Variants in CACNA2D1 observed in about 807,000 individuals in gnomAD.
The protein encoded by CACNA2D1 is voltage-dependent calcium channel subunit alpha-2/delta-1.
A neutral mutation model predicts 171.5 loss-of-function variants in CACNA2D1; 53 were observed. The observed-to-expected ratio is 0.31, with a 90% CI of 0.25 to 0.39. The LOEUF is 0.39. Ranked by LOEUF, CACNA2D1 falls within the 10% of genes least tolerant of loss-of-function variation. CACNA2D1 has a pLI of 1.00. For missense variants in CACNA2D1, 903 were observed against 1,299.8 expected (o/e 0.69, Z 4.69); for synonymous variants, 442 against 443.1 (o/e 1.00, Z 0.03).
intron 3 of CACNA2D1, among the ~76,000 whole-genome samples, chr7:82,297,163 A>C (rs999092127): frequency 6.6e-5 from 10 of 151,678 alleles, no homozygotes; most frequent in Non-Finnish European, 5.9e-5. Flanking sequence ...AGGTGAATGA[A>C]TCCCTTGAGC....
intron 1 of CACNA2D1, among the ~76,000 whole-genome samples, chr7:82,357,826 C>T (rs1820626055): frequency 6.7e-6 from 1 of 148,344 alleles, no homozygotes; most frequent in African/African-American, 2.5e-5. Flanking sequence ...CAAACCTGCA[C>T]ATTGTGCACA....
intron 3 of CACNA2D1, among the ~76,000 whole-genome samples, chr7:82,200,047 G>A: frequency 6.6e-6 from 1 of 151,996 alleles, no homozygotes; most frequent in East Asian, 1.9e-4. Flanking sequence ...GACAGAAATT[G>A]GAATAGCATT....
chr7:82,048,250 T>C lies in CACNA2D1; in HGVS notation c.880-10015A>G, dbSNP rs1804777548. Among the ~76,000 whole-genome samples, 4 of 152,178 alleles carry C rather than the reference T, an allele frequency of 2.6e-5. No homozygotes were observed. In the South Asian group the frequency reaches 8.3e-4, roughly 32 times the overall value. On this transcript the variant is annotated intron_variant, in intron 10 of 38. Coordinates refer to ENST00000356860, the MANE Select transcript of CACNA2D1 (RefSeq NM_000722.4). ...ATCTGGAAAACTTAGAGCATGATTA[T>C]GATATAAATTAATGACAAAAAGATA...
At chr7:81,996,422 T>C (rs1384056112) in intron 19 of CACNA2D1, among the ~76,000 whole-genome samples, 3 of 152,018 alleles carry the variant, frequency 2.0e-5, no homozygotes, top group East Asian at 1.9e-4. Flanking sequence ...AGAAACATGA[T>C]GGCATTTGCA....
At chr7:82,000,190 G>C (rs564083377) in intron 18 of CACNA2D1, among the ~76,000 whole-genome samples, 152 of 152,090 alleles carry the variant, frequency 1.0e-3, no homozygotes, top group African/African-American at 3.4e-3. Flanking sequence ...ACCCAGGAGG[G>C]AGAGGTTGCA....
rs145285297 is a variant in CACNA2D1 at position 82,102,228 on chromosome 7, T to C, written c.526+14816A>G. On this transcript the variant is annotated intron_variant, in intron 6 of 38. Transcript: ENST00000356860. ...TCTGATTGAGAAAGGTTTTAAGACT[T>C]GAAAAAAATAAGCTTTAAAATTTAT... Among the ~76,000 whole-genome samples the C allele has an allele frequency of 3.8e-3, 582 of 152,170 alleles. 2 individuals carry two copies. The highest frequency in any genetic ancestry group is 0.013 in the African/African-American group (538 of 41,518).
At chr7:82,171,868 G>A (rs1796055433) in intron 3 of CACNA2D1, among the ~76,000 whole-genome samples, 1 of 152,090 alleles carries the variant, frequency 6.6e-6, no homozygotes, top group Non-Finnish European at 1.5e-5. Context: ...GATTCATGCT[G>A]TTTGTGATCT....
At chr7:82,058,417 C>T (rs1806205116) in intron 10 of CACNA2D1, among the ~76,000 whole-genome samples, 1 of 152,096 alleles carries the variant, frequency 6.6e-6, no homozygotes, top group African/African-American at 2.4e-5. Context: ...TTTTGCTATG[C>T]CACAGATAGT....
intron 6 of CACNA2D1, among the ~76,000 whole-genome samples, chr7:82,095,622 A>G (rs532231216): frequency 5.3e-5 from 8 of 152,370 alleles, no homozygotes; most frequent in African/African-American, 1.9e-4. Flanking sequence ...GGCACGCCAT[A>G]AACAGTAATA....
Position 82,024,105 on chromosome 7 carries a change from C to T in CACNA2D1, c.1143+8692G>A, listed in dbSNP as rs111241692. Among the ~76,000 whole-genome samples, 1,272 of 151,430 alleles carry T rather than the reference C, an allele frequency of 8.4e-3. 19 individuals carry two copies. Among genetic ancestry groups the T allele is most frequent in the African/African-American group, 0.029 (1,217 of 41,362 alleles). ...CACATCTAGGCTATTTTGAATAGTG[C>T]TGTAATGAATATAGAAGTACTCTTC... On this transcript the variant is annotated intron_variant, in intron 12 of 38. Transcript: ENST00000356860.
Position 82,040,092 on chromosome 7 carries a change from T to A in CACNA2D1, c.880-1857A>T, listed in dbSNP as rs78204375. On this transcript the variant is annotated intron_variant, in intron 10 of 38. Transcript: ENST00000356860. Reference sequence around the variant, plus strand: ...AAGCAGGGAGAGTAATCAGAAGGCTTTGCAGTAACCTAGCTGAAAATACAT... The same window carrying A: ...AAGCAGGGAGAGTAATCAGAAGGCTATGCAGTAACCTAGCTGAAAATACAT... Among the ~76,000 whole-genome samples the A allele has an allele frequency of 1.6e-3, 243 of 152,290 alleles. 4 individuals carry two copies. In the East Asian group the frequency reaches 0.018, roughly 11 times the overall value.
chr7:82,191,082 T>C (rs1798246162), intron 3 of CACNA2D1, among the ~76,000 whole-genome samples: 1 of 151,672 alleles, frequency 6.6e-6, no homozygotes, highest in African/African-American at 2.4e-5. Flanking sequence ...CTGTAAAGAT[T>C]TTAGCTTTTC....
chr7:82,309,299 A>G lies in CACNA2D1; in HGVS notation c.294+25836T>C, dbSNP rs147621271. Among the ~76,000 whole-genome samples the G allele has an allele frequency of 2.3e-3, 356 of 152,134 alleles. 7 individuals are homozygous for G. The East Asian group carries it at 0.043, about 19-fold the overall frequency. ...TGGATGCCTGTAATCCCAGCAACTCAGGAGGTTGAGGCAGGAGAATTTCTT... is the reference window on the plus strand; with the variant it reads ...TGGATGCCTGTAATCCCAGCAACTCGGGAGGTTGAGGCAGGAGAATTTCTT... On this transcript the variant is annotated intron_variant, in intron 3 of 38. Transcript: ENST00000356860.
chr7:82,262,147 C>T (rs970467799), intron 3 of CACNA2D1, among the ~76,000 whole-genome samples: 6 of 152,066 alleles, frequency 3.9e-5, no homozygotes, highest in South Asian at 2.1e-4. Context: ...CTGGCTAACA[C>T]GGTGAAACCC....
rs138394952 is a variant in CACNA2D1, at chr7:82,194,079, C to T, written c.295-23470G>A. Among the ~76,000 whole-genome samples the T allele has an allele frequency of 2.1e-3, 316 of 152,114 alleles. 2 individuals carry two copies. The highest frequency in any genetic ancestry group is 7.3e-3 in the African/African-American group (303 of 41,524). On this transcript the variant is annotated intron_variant, in intron 3 of 38. Transcript: ENST00000356860. ...AAGTAGTTTGTGTTGAATTAAATTTCTAAAGCTAAATGACTTTATTAGAGT... is the reference window on the plus strand; with the variant it reads ...AAGTAGTTTGTGTTGAATTAAATTTTTAAAGCTAAATGACTTTATTAGAGT...
intron 1 of CACNA2D1, among the ~76,000 whole-genome samples, chr7:82,416,359 CA>C (rs1182126707): frequency 1.3e-5 from 2 of 151,968 alleles, no homozygotes; most frequent in African/African-American, 4.8e-5. Flanking sequence ...AACAGAGCAG[CA>C]AAAAGAAGGT....
intron 38 of CACNA2D1, among the ~76,000 whole-genome samples, chr7:81,954,110 A>G (rs1303902856): frequency 6.6e-6 from 1 of 152,102 alleles, no homozygotes; most frequent in Non-Finnish European, 1.5e-5. Context: ...TTATTATGGC[A>G]TACATTCTAC....
intron 10 of CACNA2D1, among the ~76,000 whole-genome samples, chr7:82,059,607 G>C (rs748985369): frequency 6.6e-6 from 1 of 151,950 alleles, no homozygotes; most frequent in South Asian, 2.1e-4. Flanking sequence ...AGGATATGTG[G>C]AATGCTTTTT....
Position 82,106,698 on chromosome 7 carries a change from G to T in CACNA2D1, c.526+10346C>A, listed in dbSNP as rs184588088. On this transcript the variant is annotated intron_variant, in intron 6 of 38. Coordinates refer to ENST00000356860, the MANE Select transcript of CACNA2D1 (RefSeq NM_000722.4). Reference sequence around the variant, plus strand: ...CCTAGGTAATTGTGAAAACCAAATGGAAATGAAGAAAATCTAGTATTGTAA... The same window carrying T: ...CCTAGGTAATTGTGAAAACCAAATGTAAATGAAGAAAATCTAGTATTGTAA... Among the ~76,000 whole-genome samples the T allele has an allele frequency of 1.5e-3, 232 of 152,026 alleles. 3 individuals carry two copies. The highest frequency in any genetic ancestry group is 0.015 in the East Asian group (75 of 5,164).
Sources: allele counts gnomAD v4.1 joint callset (sites outside exome capture counted in the v4.1 genomes callset), GRCh38; gene constraint gnomAD v4.1.1; transcripts MANE v1.5; gene names NCBI Gene and HGNC (gene_info 2026-07-23, HGNC 2026-07-21).